GTF2IRD2B: variants seen among roughly 807,000 people sequenced by gnomAD.
The protein encoded by GTF2IRD2B is general transcription factor II-I repeat domain-containing protein 2B.
Under a neutral mutation model 55.6 loss-of-function variants are expected in GTF2IRD2B, and 10 were observed. The observed-to-expected ratio is 0.18, with a 90% CI of 0.11 to 0.31. The LOEUF (loss-of-function observed/expected upper bound fraction) is 0.31, where lower values mean the gene tolerates loss of function less well. Ranked by LOEUF, GTF2IRD2B falls within the 10% of genes least tolerant of loss-of-function variation. The pLI is 1.00. For synonymous variants in GTF2IRD2B, 107 were observed against 320.5 expected, an observed-to-expected ratio of 0.33 and a Z score of 7.12; for missense variants, 206 against 802.7, an observed-to-expected ratio of 0.26 and a Z score of 8.98.
chr7:75,103,977 C>G (rs1478739555), intron 1 of GTF2IRD2B, among the ~76,000 whole-genome samples: 1 of 149,376 alleles, frequency 6.7e-6, no homozygotes, highest in Non-Finnish European at 1.5e-5. Flanking sequence ...GCTTGCAGTG[C>G]GCAGAGATCA....
rs1419528521 is a variant in GTF2IRD2B at position 75,092,660 on chromosome 7, C to A, written c.-111C>A. The A allele has an allele frequency of 6.5e-6, 1 of 153,510 alleles. No individual in the cohort carries two copies. Among genetic ancestry groups the A allele is most frequent in the Non-Finnish European group, 1.5e-5 (1 of 68,448 alleles). The allele number at this position is 153,510 out of a possible 1,614,324, so 9.5% of individuals were successfully genotyped here. ...CCACCCACACGCCCCGAAGCGTGCT[C>A]GTCCCCCGCGCGGGGCTCCCGGCCG... On this transcript the variant is annotated 5_prime_UTR_variant, in exon 1 of 16. Coordinates refer to ENST00000472837, the MANE Select transcript of GTF2IRD2B (RefSeq NM_001003795.3).
intron 11 of GTF2IRD2B, among the ~76,000 whole-genome samples, chr7:75,138,181 C>T (rs1259667348): frequency 2.6e-5 from 2 of 78,050 alleles, no homozygotes; most frequent in African/African-American, 1.2e-4. Flanking sequence ...GGCCTGCAGC[C>T]GGTGAACTCA....
chr7:75,114,484 G>A (rs2115739192), intron 3 of GTF2IRD2B, among the ~76,000 whole-genome samples: 1 of 150,378 alleles, frequency 6.6e-6, no homozygotes, highest in East Asian at 2.0e-4. Flanking sequence ...GGGCACACGT[G>A]TAGATTTGTT....
intron 1 of GTF2IRD2B, among the ~76,000 whole-genome samples, chr7:75,105,216 A>C (rs1410099535): frequency 4.2e-3 from 639 of 152,100 alleles, no homozygotes; most frequent in Non-Finnish European, 6.4e-3. Flanking sequence ...CAAAAAAAAA[A>C]CAACAGACCA....
chr7:75,120,731 T>C (rs1276277295), intron 3 of GTF2IRD2B, 160 bp from the exon 4 acceptor site: 1 of 693,038 alleles, frequency 1.4e-6, no homozygotes, highest in African/African-American at 1.8e-5. Context: ...TTCATTAACC[T>C]GTTTATCATA....
intron 6 of GTF2IRD2B, chr7:75,123,794 C>G (rs1487588918): frequency 2.3e-6 from 1 of 433,848 alleles, no homozygotes; most frequent in Non-Finnish European, 4.3e-6. Flanking sequence ...AGGAGAATGG[C>G]GTGAACCCGG....
At chr7:75,113,814 G>GTGTGTGTGTGTGTA (rs1808047470) in intron 3 of GTF2IRD2B, among the ~76,000 whole-genome samples, 6 of 137,884 alleles carry the variant, frequency 4.4e-5, no homozygotes, top group Admixed American at 3.7e-4. Flanking sequence ...GTGTGTGTGT[G>GTGTGTGTGTGTGTA]TGTATGTACA....
In GTF2IRD2B at chr7:75,112,517, A is replaced by G; in HGVS notation, c.220A>G (p.Lys74Glu). 1.0e-6 allele frequency: 1 copy of G among 953,860 alleles called. No individual in the cohort carries two copies. Among genetic ancestry groups the G allele is most frequent in the Admixed American group, 2.5e-5 (1 of 39,280 alleles). 59.1% of individuals were successfully genotyped at this position (953,860 alleles called of 1,614,324 possible). A position where few individuals can be genotyped will look rare whatever the true frequency, so the allele number is the denominator to read the frequency against. ...TGTTAATGCCAGGACGGATTTTCAG[A>G]AAGATTTTGCAAAATACTGTAGGTG... The part of the protein sequence containing the change: ...AFVNARTDFQ[K>E]DFAKYCVAEG... The change falls in exon 3 of 16, where the codon AAA becomes GAA. Residue 74 changes from lysine (K) to glutamate (E), a missense_variant. Transcript: ENST00000472837.
intron 15 of GTF2IRD2B, chr7:75,146,864 A>G (rs3178258): frequency 6.8e-6 from 1 of 147,978 alleles, no homozygotes; most frequent in African/African-American, 2.5e-5. Flanking sequence ...TTGGGAGGCC[A>G]AGGCGGGTGG....
In GTF2IRD2B at chr7:75,148,273, A is replaced by G. The variant is rs782509703; in HGVS notation, c.1826A>G (p.Asn609Ser). 3.1e-6 allele frequency: 5 copies of G among 1,613,634 alleles called. No homozygotes were observed. Among genetic ancestry groups the G allele is most frequent in the Non-Finnish European group, 8.5e-7 (1 of 1,179,836 alleles). The change falls in exon 16 of 16, where the codon AAC (asparagine) becomes AGC (serine). Residue 609 changes from asparagine (N) to serine (S), a missense_variant. Transcript: ENST00000472837. Reference sequence around the variant, plus strand: ...AAGAGCCTGAAAAAGTTCTGTATCAACTGGTCGAGATTAGTAAGCGTGGCC... The same window carrying G: ...AAGAGCCTGAAAAAGTTCTGTATCAGCTGGTCGAGATTAGTAAGCGTGGCC... ...VEKSLKKFCI[N>S]WSRLVSVAST...
At chr7:75,126,789 G>T (rs1369388143) in intron 8 of GTF2IRD2B, among the ~76,000 whole-genome samples, 2 of 150,434 alleles carry the variant, frequency 1.3e-5, no homozygotes, top group African/African-American at 4.9e-5. Context: ...CTGAGCTCAG[G>T]AGTTCAAGAC....
chr7:75,127,294 C>T (rs1337213488), intron 8 of GTF2IRD2B, among the ~76,000 whole-genome samples: 4 of 151,008 alleles, frequency 2.6e-5, no homozygotes, highest in African/African-American at 9.7e-5. Flanking sequence ...GCCTGGGCAA[C>T]ATGGCGAGAC....
intron 8 of GTF2IRD2B, among the ~76,000 whole-genome samples, chr7:75,131,990 C>A (rs1554453043): frequency 1.4e-5 from 2 of 146,456 alleles, no homozygotes; most frequent in East Asian, 1.9e-4. Context: ...CCAACCGCAC[C>A]CTTCTCTGAT....
intron 4 of GTF2IRD2B, among the ~76,000 whole-genome samples, chr7:75,122,802 C>T (rs1380658252): frequency 2.0e-5 from 3 of 148,868 alleles, no homozygotes; most frequent in Non-Finnish European, 4.5e-5. Context: ...TATCCTAGCA[C>T]TTTGGCAGGC....
Position 75,115,481 on chromosome 7 carries a change from T to C in GTF2IRD2B, c.238+2946T>C, listed in dbSNP as rs1469593119. The stretch of plus-strand genomic sequence containing the variant: ...CTCTATCGCCCAGGCTGGAGTGCAG[T>C]GGAGAGATCTTGGCTGACCACAACC... On this transcript the variant is annotated intron_variant, in intron 3 of 15. Coordinates refer to ENST00000472837, the MANE Select transcript of GTF2IRD2B (RefSeq NM_001003795.3). 8.9e-4 allele frequency among the ~76,000 whole-genome samples: 131 copies of C among 146,852 alleles called. 1 individual carries two copies. Among genetic ancestry groups the C allele is most frequent in the Non-Finnish European group, 1.6e-3 (107 of 66,010 alleles).
intron 1 of GTF2IRD2B, among the ~76,000 whole-genome samples, 162 bp downstream of exon 1, chr7:75,092,927 C>A (rs1223677913): frequency 2.2e-4 from 34 of 151,522 alleles, no homozygotes; most frequent in Admixed American, 1.3e-4. Context: ...GAGGCACCCC[C>A]GAACCCCGAT....
At position 75,149,060 on chromosome 7, in the gene GTF2IRD2B, C is replaced by T. The variant is rs1424843900; in HGVS notation, c.2613C>T (p.Asp871=). The T allele has an allele frequency of 1.1e-5, 9 of 835,316 alleles. No individual in the cohort carries two copies. Among genetic ancestry groups the T allele is most frequent in the Non-Finnish European group, 1.9e-5 (9 of 471,716 alleles). 51.7% of individuals were successfully genotyped at this position (835,316 alleles called of 1,614,324 possible). A position where few individuals can be genotyped will look rare whatever the true frequency, so the allele number is the denominator to read the frequency against. ...VHEELQMEVI[D]LQCNTVLKTK... Reference sequence around the variant, plus strand: ...AGGAGCTCCAGATGGAGGTTATCGACCTGCAATGCAACACGGTCCTGAAGA... The same window carrying T: ...AGGAGCTCCAGATGGAGGTTATCGATCTGCAATGCAACACGGTCCTGAAGA... The change falls in exon 16 of 16, where the codon GAC becomes GAT. Residue 871 remains aspartate (D), a synonymous_variant. Coordinates refer to ENST00000472837, the MANE Select transcript of GTF2IRD2B (RefSeq NM_001003795.3).
chr7:75,102,094 C>T (rs2115679490), intron 1 of GTF2IRD2B, among the ~76,000 whole-genome samples: 1 of 150,812 alleles, frequency 6.6e-6, no homozygotes, highest in East Asian at 2.0e-4. Context: ...CCTCCGCCTC[C>T]CGGGTTCAAG....
chr7:75,127,245 G>A (rs1808548404), intron 8 of GTF2IRD2B, among the ~76,000 whole-genome samples: 1 of 151,368 alleles, frequency 6.6e-6, no homozygotes, highest in South Asian at 2.1e-4. Context: ...TTGGGAGGCC[G>A]AGGCAGGCAA....
Sources: allele counts gnomAD v4.1 joint callset (sites outside exome capture counted in the v4.1 genomes callset), GRCh38; gene constraint gnomAD v4.1.1; transcripts MANE v1.5; gene names NCBI Gene and HGNC (gene_info 2026-07-23, HGNC 2026-07-21).